The following SASH3 variants were observed in gnomAD, a reference collection of about 807,000 sequenced individuals.
SASH3 encodes SAM and SH3 domain containing 3.
SASH3 carries 7 observed loss-of-function variants against 26.1 expected under a neutral mutation model. That is an observed-to-expected ratio of 0.27 (90% confidence interval 0.15 to 0.50). The LOEUF is 0.50. Ranked by LOEUF, SASH3 falls within the 20% of genes least tolerant of loss-of-function variation. The probability of loss-of-function intolerance (pLI) is 0.98; values close to 1 mark genes in which losing one functional copy is unlikely to be tolerated. For missense variants in SASH3, 231 were observed against 318.3 expected (o/e 0.73, Z 2.09); for synonymous variants, 138 against 136.8 (o/e 1.01, Z -0.06).
intron 1 of SASH3, 143 bp from the exon 2 acceptor site, chrX:129,787,832 C>T (rs1378697230): frequency 4.8e-5 from 23 of 477,267 alleles, no homozygotes; most frequent in Non-Finnish European, 7.4e-5. Context: ...CATCGAGGTG[C>T]GTCACCCATT....
In SASH3 at chrX:129,788,416, C is replaced by T. The variant is rs1001334320; in HGVS notation, c.154-15C>T. ...GACCACCAGGGTCCCTGGATCGCCT[C>T]TTTTGTTGTCACAGATTCCAGAAGA... is the stretch of plus-strand genomic sequence containing the variant. On this transcript the variant is annotated splice_polypyrimidine_tract_variant and intron_variant, in intron 2 of 7. Coordinates refer to ENST00000356892, the MANE Select transcript of SASH3 (RefSeq NM_018990.4). The T allele has an allele frequency of 6.6e-6, 8 of 1,209,781 alleles. No homozygotes were observed. Among genetic ancestry groups the T allele is most frequent in the Non-Finnish European group, 8.9e-6 (8 of 894,894 alleles).
At chrX:129,783,324 C>T (rs1294565754) in intron 1 of SASH3, among the ~76,000 whole-genome samples, 1 of 111,803 alleles carries the variant, frequency 8.9e-6, no homozygotes, top group Non-Finnish European at 1.9e-5. Context: ...CACAAAGCCC[C>T]GCCAGAGCCC....
Position 129,793,711 on chromosome X carries a change from C to G in SASH3, c.1022C>G (p.Pro341Arg). 8.2e-7 allele frequency: 1 copy of G among 1,212,211 alleles called. No individual in the cohort carries two copies. ...QEPVAHTVSE[P>R]KVDIPRDSGC... is the part of the protein sequence containing the mutation. Reference sequence around the variant, plus strand: ...CCAGTGGCACACACAGTGTCGGAACCCAAGGTGGACATCCCGCGCGACTCA... The same window carrying G: ...CCAGTGGCACACACAGTGTCGGAACGCAAGGTGGACATCCCGCGCGACTCA... Residue 341 changes from proline to arginine, a missense_variant, in exon 8 of 8, where the codon CCC (proline) becomes CGC (arginine). By Grantham distance (103) the Pro-to-Arg change is moderately radical (BLOSUM62 -2). Coordinates refer to ENST00000356892, the MANE Select transcript of SASH3 (RefSeq NM_018990.4).
intron 1 of SASH3, among the ~76,000 whole-genome samples, chrX:129,784,565 C>T (rs1927074265): frequency 8.9e-6 from 1 of 111,733 alleles, no homozygotes; most frequent in Non-Finnish European, 1.9e-5. Flanking sequence ...CAGATGAGGT[C>T]GGTGCTTTTG....
At chrX:129,784,254 G>A (rs183137309) in intron 1 of SASH3, among the ~76,000 whole-genome samples, 70 of 111,725 alleles carry the variant, frequency 6.3e-4, no homozygotes, top group African/African-American at 2.2e-3. Flanking sequence ...CCATACTGTT[G>A]GGAACAGTTG....
chrX:129,780,292 G>A (rs11798976), intron 1 of SASH3, 138 bp downstream of exon 1: 15,295 of 500,678 alleles, frequency 0.031, 233 homozygotes, highest in Non-Finnish European at 0.039. Flanking sequence ...AGAAGGCAAC[G>A]GGACAGGGAC....
Position 129,793,060 on chromosome X carries a change from C to A in SASH3, c.873C>A (p.His291Gln), listed in dbSNP as rs138840040. 5.8e-6 allele frequency: 7 copies of A among 1,209,375 alleles called. No homozygotes were observed. Among genetic ancestry groups the A allele is most frequent in the Non-Finnish European group, 7.8e-6 (7 of 894,871 alleles). The change falls in exon 7 of 8, where the codon CAC (histidine) becomes CAA (glutamine). Residue 291 changes from histidine to glutamine, a missense_variant. By Grantham distance (24) the His-to-Gln change is conservative. Coordinates refer to ENST00000356892, the MANE Select transcript of SASH3 (RefSeq NM_018990.4). Reference protein sequence around the residue: ...LEDFKELRETHLNELNIMDPQ... With the variant: ...LEDFKELRETQLNELNIMDPQ... The stretch of plus-strand genomic sequence containing the variant: ...ACTTCAAAGAGCTGCGAGAAACACA[C>A]CTCAATGAGCTGAACATCATGGATC...
chrX:129,793,754 G>A lies in SASH3; in HGVS notation c.1065G>A (p.Ser355=), dbSNP rs781087911. Reference sequence around the variant, plus strand: ...GCGACTCAGGCTGCTTTGAGGGCTCGGAGAGCGGGCGCGATGACGCAGAGC... The same window carrying A: ...GCGACTCAGGCTGCTTTGAGGGCTCAGAGAGCGGGCGCGATGACGCAGAGC... The part of the protein sequence containing the change: ...IPRDSGCFEG[S]ESGRDDAELA... The change falls in exon 8 of 8, where the codon TCG becomes TCA. Residue 355 remains serine, a synonymous_variant. Transcript: ENST00000356892. 24 of 1,209,641 alleles carry A rather than the reference G, an allele frequency of 2.0e-5. 1 individual carries two copies. The highest frequency in any genetic ancestry group is 3.5e-5 in the African/African-American group (2 of 57,616).
At chrX:129,789,377 A>G (rs1297174178) in intron 3 of SASH3, among the ~76,000 whole-genome samples, 1 of 110,052 alleles carries the variant, frequency 9.1e-6, no homozygotes, top group Non-Finnish European at 1.9e-5. Context: ...TCACACCTGT[A>G]ATCCCAGCAC....
At chrX:129,783,935 T>A (rs954939349) in intron 1 of SASH3, among the ~76,000 whole-genome samples, 13 of 111,517 alleles carry the variant, frequency 1.2e-4, no homozygotes, top group African/African-American at 4.2e-4. Context: ...AATCTTTCCA[T>A]AGAAGTATAA....
rs193115466 is a variant in SASH3 at position 129,781,451 on chromosome X, G to A, written c.57+1297G>A. Among the ~76,000 whole-genome samples, 325 of 111,856 alleles carry A rather than the reference G, an allele frequency of 2.9e-3. 1 individual carries two copies. Among genetic ancestry groups the A allele is most frequent in the African/African-American group, 1.0e-2 (306 of 30,701 alleles). ...CCCGTCCAAACCCTGCAGGGTGCTA[G>A]GCCCAGCAGGACTGCCATTGGCTGC... On this transcript the variant is annotated intron_variant, in intron 1 of 7. Coordinates refer to ENST00000356892, the MANE Select transcript of SASH3 (RefSeq NM_018990.4).
At position 129,793,984 on chromosome X, in the gene SASH3, G is replaced by A. The variant is rs924993116; in HGVS notation, c.*152G>A. ...TTAGGGCCACAGAGGCCAGGCCAGG[G>A]CCCTACAGGTTCCAGGCTCAGCTGG... On this transcript the variant is annotated 3_prime_UTR_variant, in exon 8 of 8. Coordinates refer to ENST00000356892, the MANE Select transcript of SASH3 (RefSeq NM_018990.4). 2 of 537,206 alleles carry A rather than the reference G, an allele frequency of 3.7e-6. No homozygotes were observed. The highest frequency in any genetic ancestry group is 4.6e-5 in the African/African-American group (2 of 43,023). The allele number at this position is 537,206 out of a possible 1,213,427, so 44.3% of individuals were successfully genotyped here. A position where few individuals can be genotyped will look rare whatever the true frequency, so the allele number is the denominator to read the frequency against.
At position 129,780,067 on chromosome X, in the gene SASH3, G is replaced by A; in HGVS notation, c.-31G>A. 8.3e-7 allele frequency: 1 copy of A among 1,202,549 alleles called. No homozygotes were observed. Among genetic ancestry groups the A allele is most frequent in the Non-Finnish European group, 1.1e-6 (1 of 887,336 alleles). On this transcript the variant is annotated 5_prime_UTR_variant, in exon 1 of 8. Coordinates refer to ENST00000356892, the MANE Select transcript of SASH3 (RefSeq NM_018990.4). ...CCTCTGCATCTTGACACCTAGGAGA[G>A]CAGGGACGGAGTCTCCCAGGGTGGA...
At chrX:129,787,907 G>A (rs1927136873) in intron 1 of SASH3, 68 bp from the exon 2 acceptor site, 4 of 808,913 alleles carry the variant, frequency 4.9e-6, no homozygotes, top group Middle Eastern at 3.9e-4. Flanking sequence ...TGTGGTGGGG[G>A]GAGGCGAGTA....
Position 129,792,397 on chromosome X carries a change from C to G in SASH3, c.512C>G (p.Thr171Arg). The G allele has an allele frequency of 2.5e-6, 3 of 1,211,744 alleles. No homozygotes were observed. The highest frequency in any genetic ancestry group is 3.4e-6 in the Non-Finnish European group (3 of 895,362). Residue 171 changes from threonine to arginine, a missense_variant, in exon 5 of 8, where the codon ACA becomes AGA. Coordinates refer to ENST00000356892, the MANE Select transcript of SASH3 (RefSeq NM_018990.4). The stretch of plus-strand genomic sequence containing the variant: ...GAGGAACCACCTGCCCCCCAGTACA[C>G]AGGGCCTTTCTGTGGCCGGGCACGA... ...FGEEPPAPQY[T>R]GPFCGRARVH...
At chrX:129,792,217 C>T (rs745662261) in intron 4 of SASH3, 111 bp from the exon 5 acceptor site, 140 of 898,580 alleles carry the variant, frequency 1.6e-4, no homozygotes, top group Middle Eastern at 4.2e-4. Flanking sequence ...GCTGCCTTCC[C>T]GGTGTATACC....
intron 1 of SASH3, among the ~76,000 whole-genome samples, chrX:129,786,190 C>T (rs1010723133): frequency 1.8e-5 from 2 of 110,911 alleles, no homozygotes; most frequent in African/African-American, 3.3e-5. Flanking sequence ...AGGCCCCAAT[C>T]GTGCTAGCGT....
intron 3 of SASH3, 60 bp downstream of exon 3, chrX:129,788,637 A>G: frequency 9.0e-7 from 1 of 1,115,789 alleles, no homozygotes; most frequent in Non-Finnish European, 1.2e-6. Context: ...GCTCTGGCAG[A>G]ATGTGAGCAT....
intron 1 of SASH3, 47 bp downstream of exon 1, chrX:129,780,201 C>T (rs369361463): frequency 4.2e-5 from 46 of 1,105,500 alleles, no homozygotes; most frequent in Admixed American, 2.3e-4. Flanking sequence ...TCTGCTTGCT[C>T]GACCCATCCC....
Sources: allele counts gnomAD v4.1 joint callset (sites outside exome capture counted in the v4.1 genomes callset), GRCh38; gene constraint gnomAD v4.1.1; transcripts MANE v1.5; gene names NCBI Gene and HGNC (gene_info 2026-07-23, HGNC 2026-07-21).